Variants in TENM3 observed in about 807,000 individuals in gnomAD.
The protein encoded by TENM3 is teneurin transmembrane protein 3.
TENM3 carries 63 observed loss-of-function variants against 255.1 expected under a neutral mutation model. The observed-to-expected ratio is 0.25, with a 90% CI of 0.20 to 0.30. The LOEUF is 0.30. TENM3 is among the 10% of genes least tolerant of loss of function. The pLI, the probability that TENM3 is intolerant of heterozygous loss-of-function variation, is 1.00. For synonymous variants in TENM3, 1,306 were observed against 1,322.3 expected, an observed-to-expected ratio of 0.99 and a Z score of 0.27; for missense variants, 2,929 against 3,461.1, an observed-to-expected ratio of 0.85 and a Z score of 3.86.
At chr4:181,897,200 T>C in the TENM3 span, among the ~76,000 whole-genome samples, 1 of 152,204 alleles carries the variant, frequency 6.6e-6, no homozygotes, top group Non-Finnish European at 1.5e-5. Flanking sequence ...TCAAACAAAT[T>C]ATTCAGCACA....
chr4:181,672,638 T>C, the TENM3 span, among the ~76,000 whole-genome samples: 1 of 151,702 alleles, frequency 6.6e-6, no homozygotes, highest in African/African-American at 2.4e-5. Context: ...GTTAGCATGA[T>C]GTGTTTTCAT....
chr4:182,453,276 A>G (rs1773616641), intron 3 of TENM3, among the ~76,000 whole-genome samples: 1 of 152,164 alleles, frequency 6.6e-6, no homozygotes, highest in Non-Finnish European at 1.5e-5. Context: ...TCTCCCAGAA[A>G]CAGTTTATGC....
the TENM3 span, among the ~76,000 whole-genome samples, chr4:182,030,774 T>C: frequency 1.3e-5 from 2 of 152,174 alleles, no homozygotes; most frequent in Non-Finnish European, 2.9e-5. Context: ...TATCTCATTG[T>C]GGTTTTGATA....
chr4:181,768,542 T>C, the TENM3 span, among the ~76,000 whole-genome samples: 2 of 152,350 alleles, frequency 1.3e-5, no homozygotes, highest in Middle Eastern at 3.4e-3. Context: ...CTGAATGAAC[T>C]AAAATGTTAG....
chr4:181,628,667 G>A, the TENM3 span, among the ~76,000 whole-genome samples: 12 of 152,150 alleles, frequency 7.9e-5, no homozygotes, highest in Non-Finnish European at 1.3e-4. Flanking sequence ...TATTTCTGAG[G>A]GCTCTGTTCT....
intron 4 of TENM3, among the ~76,000 whole-genome samples, chr4:182,613,454 T>G (rs1427913281): frequency 6.6e-6 from 1 of 152,180 alleles, no homozygotes; most frequent in Non-Finnish European, 1.5e-5. Context: ...TACTTGGTTG[T>G]AGACCTGTCT....
At chr4:181,918,729 T>G in the TENM3 span, among the ~76,000 whole-genome samples, 1 of 152,120 alleles carries the variant, frequency 6.6e-6, no homozygotes, top group African/African-American at 2.4e-5. Context: ...TTTAATACTC[T>G]TCATTTCTTC....
rs558327429 is a variant in TENM3, at chr4:182,799,522, G to A, written c.7345-74G>A. On this transcript the variant is annotated intron_variant, in intron 27 of 27. Coordinates refer to ENST00000511685, the MANE Select transcript of TENM3 (RefSeq NM_001080477.4). This position sits in a 1 kb window ranked among gnomAD's most constrained non-coding sequence, Gnocchi z 4.2. Reference sequence around the variant, plus strand: ...TGCATGCCCCGGCGCTGCCCCCAGAGTCCCGTGTGTGGGTCAGGAGTGGGG... The same window carrying A: ...TGCATGCCCCGGCGCTGCCCCCAGAATCCCGTGTGTGGGTCAGGAGTGGGG... 1.9e-4 allele frequency: 282 copies of A among 1,495,164 alleles called. 4 individuals are homozygous for A. The South Asian group carries it at 2.8e-3, about 15-fold the overall frequency. The allele number at this position is 1,495,164 out of a possible 1,614,324, so 92.6% of individuals were successfully genotyped here. A position where few individuals can be genotyped will look rare whatever the true frequency, so the allele number is the denominator to read the frequency against.
chr4:182,461,398 C>T (rs1173909426), intron 3 of TENM3, among the ~76,000 whole-genome samples: 4 of 152,104 alleles, frequency 2.6e-5, no homozygotes, highest in African/African-American at 9.7e-5. Context: ...TGACCTACTT[C>T]GAGCATGAAG....
intron 16 of TENM3, among the ~76,000 whole-genome samples, chr4:182,736,520 T>G (rs1761179303): frequency 6.6e-6 from 1 of 152,218 alleles, no homozygotes; most frequent in East Asian, 1.9e-4. Context: ...TAACTCAGAA[T>G]AAATGACAGG....
At chr4:181,733,899 T>A in the TENM3 span, among the ~76,000 whole-genome samples, 897 of 152,326 alleles carry the variant, frequency 5.9e-3, 11 homozygotes, top group African/African-American at 0.02. Context: ...AACACTAATA[T>A]GCTGTGACTC....
chr4:182,417,861 T>C (rs7654780), intron 3 of TENM3, among the ~76,000 whole-genome samples: 8,732 of 152,270 alleles, frequency 0.057, 327 homozygotes, highest in East Asian at 0.17. Flanking sequence ...ATGTAGATGA[T>C]TGATAACATG....
intron 3 of TENM3, among the ~76,000 whole-genome samples, chr4:182,406,583 A>T (rs778126022): frequency 6.6e-6 from 1 of 152,148 alleles, no homozygotes; most frequent in Non-Finnish European, 1.5e-5. Flanking sequence ...TTTAGAGGAC[A>T]AGTTTGGCTT....
At chr4:181,902,116 T>TACAC in the TENM3 span, among the ~76,000 whole-genome samples, 1 of 147,784 alleles carries the variant, frequency 6.8e-6, no homozygotes, top group African/African-American at 2.5e-5. Context: ...CATGTGAGCA[T>TACAC]ACACACACAC....
At chr4:181,596,101 G>A in the TENM3 span, among the ~76,000 whole-genome samples, 3 of 152,056 alleles carry the variant, frequency 2.0e-5, no homozygotes, top group African/African-American at 4.8e-5. Context: ...TCCACAACAC[G>A]CAGAACAGTT....
the TENM3 span, among the ~76,000 whole-genome samples, chr4:181,621,993 G>A: frequency 3.9e-5 from 6 of 152,056 alleles, no homozygotes; most frequent in African/African-American, 9.7e-5. Context: ...AATAACTTCC[G>A]GTAAAATCTA....
chr4:182,633,993 G>A (rs771584209), intron 5 of TENM3, among the ~76,000 whole-genome samples: 39 of 152,108 alleles, frequency 2.6e-4, no homozygotes, highest in Non-Finnish European at 1.6e-4. Context: ...TAAGATGCAC[G>A]TCCTGATTTA....
chr4:181,766,527 G>C, the TENM3 span, among the ~76,000 whole-genome samples: 1 of 152,238 alleles, frequency 6.6e-6, no homozygotes, highest in East Asian at 1.9e-4. Context: ...AAGCAGCTTG[G>C]GGTGAGCAGA....
the TENM3 span, among the ~76,000 whole-genome samples, chr4:182,091,170 G>A: frequency 2.0e-5 from 3 of 152,288 alleles, no homozygotes; most frequent in East Asian, 1.9e-4. Flanking sequence ...GCAAGAGTCC[G>A]CCCTTAGAGC....
Sources: gnomAD v4.1 joint callset for allele counts (sites outside exome capture counted in the v4.1 genomes callset) on GRCh38, gnomAD v4.1.1 for gene constraint, Gnocchi (gnomAD v3.1) non-coding constraint, MANE v1.5 for transcripts, NCBI Gene and HGNC (gene_info 2026-07-23, HGNC 2026-07-21) for gene names.